Variants in ADAMTS6 observed in about 807,000 individuals in gnomAD.
ADAMTS6 encodes the protein ADAM metallopeptidase with thrombospondin type 1 motif 6.
A neutral mutation model predicts 144.3 loss-of-function variants in ADAMTS6; 23 were observed. The observed-to-expected ratio is 0.16, with a 90% CI of 0.11 to 0.23. The LOEUF (loss-of-function observed/expected upper bound fraction) is 0.23, where lower values mean the gene tolerates loss of function less well. Among genes scored for constraint, ADAMTS6 ranks in the 10% least tolerant of loss-of-function variants. The pLI is 1.00. For missense variants in ADAMTS6, 999 were observed against 1,379.6 expected, an observed-to-expected ratio of 0.72 and a Z score of 4.37; for synonymous variants, 444 against 457.5, an observed-to-expected ratio of 0.97 and a Z score of 0.38.
intron 7 of ADAMTS6, among the ~76,000 whole-genome samples, chr5:65,414,365 G>C (rs182828884): frequency 2.4e-4 from 37 of 151,740 alleles, no homozygotes; most frequent in Non-Finnish European, 3.7e-4. Context: ...AAATAAATTT[G>C]TGTGCTTTTC....
At chr5:65,425,518 C>G (rs1446587634) in intron 7 of ADAMTS6, among the ~76,000 whole-genome samples, 2 of 152,208 alleles carry the variant, frequency 1.3e-5, no homozygotes, top group Non-Finnish European at 2.9e-5. Flanking sequence ...ACTACTCCCT[C>G]TTGGCTTTCA....
chr5:65,377,631 T>G (rs1245686931), intron 7 of ADAMTS6, among the ~76,000 whole-genome samples: 1 of 152,194 alleles, frequency 6.6e-6, no homozygotes, highest in Admixed American at 6.5e-5. Flanking sequence ...TCATTTGTGT[T>G]TTGTATAGTT....
chr5:65,385,412 T>A (rs1338127931), intron 7 of ADAMTS6, among the ~76,000 whole-genome samples: 3 of 152,326 alleles, frequency 2.0e-5, no homozygotes, highest in East Asian at 3.9e-4. Flanking sequence ...AGTTTGGACT[T>A]CAGCTTTGCG....
At chr5:65,469,059 A>G (rs1760236431) in intron 3 of ADAMTS6, among the ~76,000 whole-genome samples, 2 of 152,200 alleles carry the variant, frequency 1.3e-5, no homozygotes, top group African/African-American at 4.8e-5. Flanking sequence ...GCCATCTTCA[A>G]TTGCTTTCTC....
chr5:65,211,155 T>G (rs565416826), intron 20 of ADAMTS6, among the ~76,000 whole-genome samples: 27 of 152,354 alleles, frequency 1.8e-4, no homozygotes, highest in African/African-American at 6.5e-4. Context: ...GGGACTTTAC[T>G]TCCCTCAATC....
rs1431453258 is a variant in ADAMTS6 at position 65,151,025 on chromosome 5, A to C, written c.*811T>G. The C allele has an allele frequency of 6.6e-6, 1 of 152,648 alleles. No homozygotes were observed. The highest frequency in any genetic ancestry group is 6.5e-5 in the Admixed American group (1 of 15,284). 9.5% of individuals were successfully genotyped at this position (152,648 alleles called of 1,614,324 possible). A position where few individuals can be genotyped will look rare whatever the true frequency, so the allele number is the denominator to read the frequency against. ...TACCCCAGGTCTGGTTTCTGCATGA[A>C]ATTGAAATGTTTTTCTCTTAAAGTT... On this transcript the variant is annotated 3_prime_UTR_variant, in exon 25 of 25. Coordinates refer to ENST00000381055, the MANE Select transcript of ADAMTS6 (RefSeq NM_197941.4).
rs185325800 is a variant in ADAMTS6, at chr5:65,409,079, G to T, written c.1073+42396C>A. Among the ~76,000 whole-genome samples the T allele has an allele frequency of 4.1e-3, 630 of 152,076 alleles. 5 individuals are homozygous for T. The highest frequency in any genetic ancestry group is 0.015 in the African/African-American group (616 of 41,504). On this transcript the variant is annotated intron_variant, in intron 7 of 24. Transcript: ENST00000381055. ...TCTAAAATGGACACCCTAACATCAC[G>T]ATTAAAAGAACTAGAGAAGCAAGAG...
At chr5:65,182,443 C>CAAAAAAAAAAAAAAA in intron 22 of ADAMTS6, among the ~76,000 whole-genome samples, 1 of 56,478 alleles carries the variant, frequency 1.8e-5, no homozygotes. Context: ...GACTCCATCT[C>CAAAAAAAAAAAAAAA]AAAAAAAAAA....
chr5:65,452,601 G>T, intron 5 of ADAMTS6, 106 bp downstream of exon 5: 1 of 1,204,336 alleles, frequency 8.3e-7, no homozygotes, highest in Non-Finnish European at 1.2e-6. Flanking sequence ...TACCATTTTA[G>T]ACAGGTAAAT....
intron 9 of ADAMTS6, among the ~76,000 whole-genome samples, chr5:65,314,132 G>T (rs1294452353): frequency 1.3e-5 from 2 of 152,046 alleles, no homozygotes; most frequent in South Asian, 2.1e-4. Flanking sequence ...TAAACAACAT[G>T]CAAGAAGAGA....
intron 19 of ADAMTS6, 96 bp from the exon 20 acceptor site, chr5:65,215,028 G>A (rs1307865533): frequency 1.4e-6 from 2 of 1,442,796 alleles, no homozygotes; most frequent in Non-Finnish European, 1.9e-6. Flanking sequence ...GTCAAAACAA[G>A]TCTTACAGGA....
chr5:65,463,658 A>G (rs114008761), intron 3 of ADAMTS6, among the ~76,000 whole-genome samples: 80 of 152,194 alleles, frequency 5.3e-4, no homozygotes, highest in African/African-American at 1.9e-3. Flanking sequence ...TTCTCATATG[A>G]TTATGTACAT....
chr5:65,392,404 C>G (rs749926284), intron 7 of ADAMTS6, among the ~76,000 whole-genome samples: 2 of 152,198 alleles, frequency 1.3e-5, no homozygotes, highest in Non-Finnish European at 2.9e-5. Context: ...AACTCCAGGT[C>G]TCTCTATATA....
intron 11 of ADAMTS6, among the ~76,000 whole-genome samples, chr5:65,275,352 AGAGAAAG>A (rs1346119967): frequency 8.2e-6 from 1 of 121,630 alleles, no homozygotes; most frequent in Non-Finnish European, 1.7e-5. Flanking sequence ...GAAAGAAAGA[AGAGAAAG>A]AAAGAAAGAA....
intron 9 of ADAMTS6, among the ~76,000 whole-genome samples, chr5:65,320,590 T>C (rs775205839): frequency 3.3e-5 from 5 of 151,388 alleles, no homozygotes; most frequent in African/African-American, 1.2e-4. Context: ...AGGGTACAAG[T>C]GAAGGTTTGT....
chr5:65,361,620 G>A (rs1749827226), intron 7 of ADAMTS6, among the ~76,000 whole-genome samples: 2 of 152,164 alleles, frequency 1.3e-5, no homozygotes, highest in East Asian at 3.8e-4. Context: ...AATCAGTTGG[G>A]CTAGAAATGG....
intron 14 of ADAMTS6, among the ~76,000 whole-genome samples, chr5:65,256,713 T>C (rs950332418): frequency 2.0e-5 from 3 of 152,114 alleles, no homozygotes; most frequent in African/African-American, 7.2e-5. Flanking sequence ...CATTACAGTA[T>C]ATAATACATA....
intron 7 of ADAMTS6, among the ~76,000 whole-genome samples, chr5:65,405,532 T>C (rs1580624302): frequency 1.3e-5 from 2 of 152,344 alleles, no homozygotes; most frequent in South Asian, 2.1e-4. Context: ...AGTACCATGC[T>C]GTGTTGGTTA....
At chr5:65,412,757 CAAAAT>C (rs1393010232) in intron 7 of ADAMTS6, among the ~76,000 whole-genome samples, 1 of 151,950 alleles carries the variant, frequency 6.6e-6, no homozygotes, top group African/African-American at 2.4e-5. Context: ...CAACTAAAAA[CAAAAT>C]AAATGATGAA....
Sources: gnomAD v4.1 joint callset for allele counts (sites outside exome capture counted in the v4.1 genomes callset) on GRCh38, gnomAD v4.1.1 for gene constraint, MANE v1.5 for transcripts, NCBI Gene and HGNC (gene_info 2026-07-23, HGNC 2026-07-21) for gene names.